C6orf118: variants seen among roughly 807,000 people sequenced by gnomAD.
C6orf118 encodes the protein uncharacterized protein C6orf118.
C6orf118 carries 50 observed loss-of-function variants against 50.2 expected under a neutral mutation model. The ratio of observed to expected loss-of-function variants is 1.00; its 90% CI spans 0.79 to 1.26. The LOEUF (loss-of-function observed/expected upper bound fraction) is 1.26. Ranked by LOEUF, C6orf118 falls within the 50% of genes most tolerant of loss-of-function variation. The pLI is 0.00. For synonymous variants in C6orf118, 239 were observed against 230.9 expected (o/e 1.03, Z -0.32); for missense variants, 641 against 578.7 (o/e 1.11, Z -1.10).
intron 2 of C6orf118, 84 bp from the exon 3 acceptor site, chr6:165,300,570 C>G: frequency 7.4e-7 from 1 of 1,349,926 alleles, no homozygotes; most frequent in Non-Finnish European, 1.0e-6. Context: ...AGTGAGGACA[C>G]AGCTGCCATC....
chr6:165,309,530 C>G (rs1485231910), intron 1 of C6orf118, 32 bp downstream of exon 1: 1 of 1,613,816 alleles, frequency 6.2e-7, no homozygotes, highest in Non-Finnish European at 8.5e-7. Flanking sequence ...GCAAATCTCA[C>G]AAGCCAGCAA....
chr6:165,296,035 C>T (rs1330130571), intron 5 of C6orf118, among the ~76,000 whole-genome samples: 1 of 150,126 alleles, frequency 6.7e-6, no homozygotes, highest in Admixed American at 6.8e-5. Flanking sequence ...GGCTTTGGAA[C>T]AATTTTAGGC....
Position 165,303,538 on chromosome 6 carries a change from T to A in C6orf118, c.26-1242A>T, listed in dbSNP as rs1159609228. Among the ~76,000 whole-genome samples, 3 of 138,508 alleles carry A rather than the reference T, an allele frequency of 2.2e-5. 1 individual carries two copies. The highest frequency in any genetic ancestry group is 1.5e-5 in the Non-Finnish European group (1 of 65,536). 90.9% of individuals were successfully genotyped at this position (138,508 alleles called of 152,430 possible). A position where few individuals can be genotyped will look rare whatever the true frequency, so the allele number is the denominator to read the frequency against. On this transcript the variant is annotated intron_variant, in intron 1 of 8. Coordinates refer to ENST00000230301, the MANE Select transcript of C6orf118 (RefSeq NM_144980.4). ...AAAATCAATGAATCCAGGAGCTGGT[T>A]TTTTGAAAGGATCAACAAAATTGAT...
chr6:165,283,611 G>C (rs1415850358), intron 7 of C6orf118, among the ~76,000 whole-genome samples: 1 of 152,184 alleles, frequency 6.6e-6, no homozygotes, highest in Non-Finnish European at 1.5e-5. Flanking sequence ...GCTCCCAGAG[G>C]AAGGAGTCGG....
At chr6:165,298,685 C>T (rs1780403222) in intron 4 of C6orf118, among the ~76,000 whole-genome samples, 1 of 152,148 alleles carries the variant, frequency 6.6e-6, no homozygotes, top group South Asian at 2.1e-4. Flanking sequence ...AGGTAAATTC[C>T]CCACTGGAGG....
chr6:165,289,420 T>C (rs971889159), intron 7 of C6orf118, among the ~76,000 whole-genome samples: 1 of 152,196 alleles, frequency 6.6e-6, no homozygotes, highest in Non-Finnish European at 1.5e-5. Flanking sequence ...TTCTACACAA[T>C]TTAAAATTCT....
At chr6:165,304,806 C>T (rs1248452693) in intron 1 of C6orf118, among the ~76,000 whole-genome samples, 1 of 59,060 alleles carries the variant, frequency 1.7e-5, no homozygotes, top group Admixed American at 2.1e-4. Context: ...CAAACCACTG[C>T]TCAAGGAAAT....
Position 165,296,614 on chromosome 6 carries a change from G to A in C6orf118, c.1061+1363C>T, listed in dbSNP as rs113029543. Among the ~76,000 whole-genome samples, 112 of 152,140 alleles carry A rather than the reference G, an allele frequency of 7.4e-4. 1 individual carries two copies. Among genetic ancestry groups the A allele is most frequent in the African/African-American group, 2.5e-3 (102 of 41,512 alleles). ...GATCAGAATTCCCCATGGAAAACCC[G>A]CTTGGGTCCCGCTCTGGACCCAAAC... On this transcript the variant is annotated intron_variant, in intron 5 of 8. Coordinates refer to ENST00000230301, the MANE Select transcript of C6orf118 (RefSeq NM_144980.4).
intron 1 of C6orf118, among the ~76,000 whole-genome samples, chr6:165,309,245 C>T (rs1554233433): frequency 6.6e-6 from 1 of 152,042 alleles, no homozygotes; most frequent in Non-Finnish European, 1.5e-5. Flanking sequence ...GCCGCTTCGT[C>T]CCTCCTCCTC....
At chr6:165,284,627 C>T (rs981358570) in intron 7 of C6orf118, among the ~76,000 whole-genome samples, 1 of 152,126 alleles carries the variant, frequency 6.6e-6, no homozygotes, top group African/African-American at 2.4e-5. Context: ...AGCATGCCTC[C>T]CAGTGGAAAC....
At chr6:165,298,226 A>T in intron 4 of C6orf118, 125 bp from the exon 5 acceptor site, 9 of 1,152,192 alleles carry the variant, frequency 7.8e-6, no homozygotes, top group Non-Finnish European at 5.7e-6. Flanking sequence ...TAGTTAAAAT[A>T]GGTAAATTGG....
Position 165,301,777 on chromosome 6 carries a change from A to G in C6orf118, c.545T>C (p.Leu182Ser). Residue 182 changes from leucine to serine, a missense_variant, in exon 2 of 9, where the codon TTG (leucine) becomes TCG (serine). Leu to Ser is a moderately radical substitution (Grantham distance 145). Coordinates refer to ENST00000230301, the MANE Select transcript of C6orf118 (RefSeq NM_144980.4). ...RRREELRLPD[L>S]KVLCYQEAGS... ...GGCCTCCTGGTAGCACAGCACCTTCAAGTCGGGCAGCCGGAGTTCTTCCCT... is the reference window on the plus strand; with the variant it reads ...GGCCTCCTGGTAGCACAGCACCTTCGAGTCGGGCAGCCGGAGTTCTTCCCT... The G allele has an allele frequency of 6.2e-7, 1 of 1,613,930 alleles. No homozygotes were observed.
rs34955637 is a variant in C6orf118 at position 165,300,406 on chromosome 6, A to G, written c.834T>C (p.Cys278=). The change falls in exon 3 of 9, where the codon TGT becomes TGC. Residue 278 remains cysteine (C), a synonymous_variant. Coordinates refer to ENST00000230301, the MANE Select transcript of C6orf118 (RefSeq NM_144980.4). ...GATCACCAAATATCAAAGAACTGTTACAAATATCTTCAAAGACTTTTCCAA... is the reference window on the plus strand; with the variant it reads ...GATCACCAAATATCAAAGAACTGTTGCAAATATCTTCAAAGACTTTTCCAA... The part of the protein sequence containing the change: ...HVFGKVFEDI[C]NSSLIFGDLL... 2.5e-3 allele frequency: 4,068 copies of G among 1,614,004 alleles called. 68 individuals are homozygous for G. In the African/African-American group the frequency reaches 0.044, roughly 17 times the overall value.
chr6:165,292,819 A>T (rs1421647581), intron 6 of C6orf118, among the ~76,000 whole-genome samples: 1 of 152,168 alleles, frequency 6.6e-6, no homozygotes, highest in Non-Finnish European at 1.5e-5. Flanking sequence ...GGTAGAAAAG[A>T]GGAAACAGGC....
At chr6:165,290,794 G>C (rs141005555) in intron 6 of C6orf118, among the ~76,000 whole-genome samples, 12 of 152,102 alleles carry the variant, frequency 7.9e-5, no homozygotes, top group Admixed American at 7.9e-4. Context: ...CAGGTTGATC[G>C]GGTCAGGGTA....
intron 8 of C6orf118, 130 bp from the exon 9 acceptor site, chr6:165,280,240 T>C (rs1266342653): frequency 1.5e-6 from 1 of 647,080 alleles, no homozygotes. Flanking sequence ...TTTGTAATCA[T>C]TTACTTTTTT....
intron 6 of C6orf118, among the ~76,000 whole-genome samples, chr6:165,290,883 C>T (rs1377477800): frequency 6.6e-6 from 1 of 152,172 alleles, no homozygotes; most frequent in East Asian, 1.9e-4. Flanking sequence ...TTTAATTGGA[C>T]TTACAGTTCC....
chr6:165,292,524 T>G (rs570090900), intron 6 of C6orf118, among the ~76,000 whole-genome samples: 1 of 152,152 alleles, frequency 6.6e-6, no homozygotes, highest in Non-Finnish European at 1.5e-5. Flanking sequence ...TGCTTTTTTG[T>G]TTTTTTGTTT....
intron 7 of C6orf118, among the ~76,000 whole-genome samples, chr6:165,287,482 C>A (rs1779950287): frequency 1.3e-5 from 2 of 152,136 alleles, no homozygotes; most frequent in Admixed American, 6.5e-5. Flanking sequence ...CAACACAACA[C>A]TAAGCCAAAA....
Sources: allele counts gnomAD v4.1 joint callset (sites outside exome capture counted in the v4.1 genomes callset), GRCh38; gene constraint gnomAD v4.1.1; transcripts MANE v1.5; gene names NCBI Gene and HGNC (gene_info 2026-07-23, HGNC 2026-07-21).